Variants in MOCOS observed in about 807,000 individuals in gnomAD.
The protein encoded by MOCOS is molybdenum cofactor sulfurase.
A neutral mutation model predicts 83.6 loss-of-function variants in MOCOS; 86 were observed. The ratio of observed to expected loss-of-function variants is 1.03; its 90% CI spans 0.86 to 1.23. The LOEUF (loss-of-function observed/expected upper bound fraction) is 1.23, where lower values mean the gene tolerates loss of function less well. Among genes scored for constraint, MOCOS ranks in the 50% most tolerant of loss-of-function variants. The pLI, the probability that MOCOS is intolerant of heterozygous loss-of-function variation, is 0.00. For synonymous variants in MOCOS, 445 were observed against 434.7 expected (o/e 1.02, Z -0.29); for missense variants, 1,120 against 1,126.9 (o/e 0.99, Z 0.09).
chr18:36,241,488 C>A (rs1339700059), intron 9 of MOCOS, among the ~76,000 whole-genome samples: 1 of 152,188 alleles, frequency 6.6e-6, no homozygotes, highest in African/African-American at 2.4e-5. Context: ...GCTCCCATGG[C>A]CTTGGGCAGC....
rs78556624 is a variant in MOCOS, at chr18:36,249,061, G to A, written c.2039+61G>A. The A allele has an allele frequency of 0.016, 22,073 of 1,395,248 alleles. 896 individuals carry two copies. Among genetic ancestry groups the A allele is most frequent in the East Asian group, 0.15 (6,422 of 43,748 alleles). The allele number at this position is 1,395,248 out of a possible 1,614,324, so 86.4% of individuals were successfully genotyped here. A position where few individuals can be genotyped will look rare whatever the true frequency, so the allele number is the denominator to read the frequency against. On this transcript the variant is annotated intron_variant, in intron 10 of 14. Transcript: ENST00000261326. ...TTGACAGGCTGGCACAGAGGGGGAA[G>A]AGGGTAATGCCCTATGCAATCTATC... is the stretch of plus-strand genomic sequence containing the variant.
At chr18:36,216,067 A>G (rs930584223) in intron 8 of MOCOS, 90 bp downstream of exon 8, 4 of 1,325,506 alleles carry the variant, frequency 3.0e-6, no homozygotes, top group Non-Finnish European at 4.2e-6. Context: ...AAAAAAATCA[A>G]AATCATTCAT....
At chr18:36,213,578 C>A (rs966242164) in intron 7 of MOCOS, 96 bp downstream of exon 7, 28 of 965,014 alleles carry the variant, frequency 2.9e-5, no homozygotes, top group Non-Finnish European at 4.7e-5. Flanking sequence ...CTGCTGCATA[C>A]TCATTTCTCC....
At chr18:36,242,007 C>T (rs781381059) in intron 9 of MOCOS, among the ~76,000 whole-genome samples, 13 of 152,210 alleles carry the variant, frequency 8.5e-5, no homozygotes, top group African/African-American at 1.2e-4. Context: ...GCCTCCGGGC[C>T]GTGATGAGAA....
At chr18:36,243,178 G>C (rs978637126) in intron 9 of MOCOS, among the ~76,000 whole-genome samples, 1 of 152,098 alleles carries the variant, frequency 6.6e-6, no homozygotes, top group Non-Finnish European at 1.5e-5. Context: ...TTTTGGATGA[G>C]TCTTTAAGGT....
intron 13 of MOCOS, among the ~76,000 whole-genome samples, chr18:36,261,530 T>C (rs938085789): frequency 4.6e-5 from 7 of 152,178 alleles, no homozygotes; most frequent in African/African-American, 1.7e-4. Flanking sequence ...CTCTAACATC[T>C]AGGAAAGCAG....
chr18:36,189,017 C>A (rs2091354756), intron 1 of MOCOS, among the ~76,000 whole-genome samples: 1 of 152,016 alleles, frequency 6.6e-6, no homozygotes, highest in South Asian at 2.1e-4. Flanking sequence ...GGGAGGGAGG[C>A]TCTCCATTCT....
chr18:36,195,104 C>T (rs887452745), intron 1 of MOCOS, among the ~76,000 whole-genome samples, 153 bp from the exon 2 acceptor site: 4 of 152,240 alleles, frequency 2.6e-5, no homozygotes, highest in African/African-American at 2.4e-5. Flanking sequence ...AGTCCTTCCA[C>T]TGCTCATGCC....
rs766767942 is a variant in MOCOS at position 36,266,790 on chromosome 18, C to A, written c.2451C>A (p.Asp817Glu). 1.7e-5 allele frequency: 27 copies of A among 1,613,970 alleles called. No homozygotes were observed. Among genetic ancestry groups the A allele is most frequent in the Non-Finnish European group, 2.3e-5 (27 of 1,180,052 alleles). Residue 817 changes from aspartate to glutamate, a missense_variant, in exon 14 of 15, where the codon GAC (aspartate) becomes GAA (glutamate). Transcript: ENST00000261326. Reference protein sequence around the residue: ...PCHRCQMICIDQQTGQRNQHV... With the variant: ...PCHRCQMICIEQQTGQRNQHV... ...ACAGATGCCAGATGATTTGCATCGA[C>A]CAGCAAACTGGGCAACGAAACCAGC...
At chr18:36,252,768 T>C (rs545448153) in intron 11 of MOCOS, among the ~76,000 whole-genome samples, 3 of 152,314 alleles carry the variant, frequency 2.0e-5, no homozygotes, top group South Asian at 4.1e-4. Context: ...TGACCATATA[T>C]GGACTGAAAA....
intron 11 of MOCOS, among the ~76,000 whole-genome samples, chr18:36,252,570 A>T (rs1037007390): frequency 1.4e-4 from 21 of 152,128 alleles, no homozygotes; most frequent in Admixed American, 6.5e-4. Context: ...AAAAAAATTT[A>T]AAAAATTGCT....
chr18:36,215,316 T>C (rs2091471475), intron 7 of MOCOS, among the ~76,000 whole-genome samples, 200 bp from the exon 8 acceptor site: 1 of 152,190 alleles, frequency 6.6e-6, no homozygotes, highest in African/African-American at 2.4e-5. Flanking sequence ...CAATTTACAG[T>C]TGAGCAAAAT....
In MOCOS at chr18:36,251,218, G is replaced by A. The variant is rs759224725; in HGVS notation, c.2099G>A (p.Arg700His). Residue 700 changes from arginine to histidine, a missense_variant, in exon 11 of 15, where the codon CGT (arginine) becomes CAT (histidine). Physicochemically the swap from Arg to His is conservative, Grantham distance 29. Coordinates refer to ENST00000261326, the MANE Select transcript of MOCOS (RefSeq NM_017947.4). ...ISSWLSTFFGRPCHLIKQSSN... is the reference protein window; with the variant it reads ...ISSWLSTFFGHPCHLIKQSSN... The stretch of plus-strand genomic sequence containing the variant: ...AGCTGGTTGTCAACATTTTTTGGCC[G>A]TCCTTGTCATTTGATCAAACAAAGT... 2.4e-5 allele frequency: 39 copies of A among 1,613,632 alleles called. No homozygotes were observed. Among genetic ancestry groups the A allele is most frequent in the South Asian group, 5.5e-5 (5 of 91,070 alleles).
intron 9 of MOCOS, among the ~76,000 whole-genome samples, chr18:36,245,396 A>G (rs1053536261): frequency 2.4e-4 from 37 of 152,108 alleles, no homozygotes; most frequent in Middle Eastern, 6.8e-3. Context: ...GCTTTGTTTC[A>G]CTGGATGCAA....
chr18:36,191,792 C>G (rs2091367482), intron 1 of MOCOS, among the ~76,000 whole-genome samples: 1 of 152,146 alleles, frequency 6.6e-6, no homozygotes, highest in Non-Finnish European at 1.5e-5. Flanking sequence ...TGTCTCACCA[C>G]TTGACATAGT....
intron 9 of MOCOS, among the ~76,000 whole-genome samples, chr18:36,224,901 G>A (rs1462069361): frequency 6.6e-6 from 1 of 152,120 alleles, no homozygotes; most frequent in Non-Finnish European, 1.5e-5. Flanking sequence ...GCTTTTCTTT[G>A]TTGAGAGGTT....
chr18:36,199,421 C>G (rs554404610), intron 3 of MOCOS, among the ~76,000 whole-genome samples: 5 of 152,310 alleles, frequency 3.3e-5, no homozygotes, highest in South Asian at 4.1e-4. Context: ...AAAGTAGTAT[C>G]AACTCTGATT....
intron 9 of MOCOS, among the ~76,000 whole-genome samples, chr18:36,222,207 T>C (rs537819706): frequency 1.1e-4 from 17 of 152,340 alleles, no homozygotes; most frequent in African/African-American, 3.6e-4. Context: ...AGTGCTAATA[T>C]CTCTTCGGTA....
chr18:36,242,311 T>TC (rs2091586806), intron 9 of MOCOS, among the ~76,000 whole-genome samples: 1 of 152,230 alleles, frequency 6.6e-6, no homozygotes. Flanking sequence ...TTTGATCCAC[T>TC]TCCCCACAAG....
Sources: allele counts gnomAD v4.1 joint callset (sites outside exome capture counted in the v4.1 genomes callset), GRCh38; gene constraint gnomAD v4.1.1; transcripts MANE v1.5; gene names NCBI Gene and HGNC (gene_info 2026-07-23, HGNC 2026-07-21).